The following PRDM10 variants were observed in gnomAD, a reference collection of about 807,000 sequenced individuals.
PRDM10 encodes PR domain zinc finger protein 10.
Under a neutral mutation model 133.1 loss-of-function variants are expected in PRDM10, and 65 were observed. The observed-to-expected ratio is 0.49, with a 90% confidence interval of 0.40 to 0.60. The LOEUF is 0.60. Among genes scored for constraint, PRDM10 ranks in the 20% least tolerant of loss-of-function variants. The pLI, the probability that PRDM10 is intolerant of heterozygous loss-of-function variation, is 0.00. For synonymous variants in PRDM10, 582 were observed against 580.4 expected (o/e 1.00, Z -0.04); for missense variants, 1,137 against 1,507.1 (o/e 0.75, Z 4.07).
intron 1 of PRDM10, among the ~76,000 whole-genome samples, chr11:129,997,222 T>C (rs904194021): frequency 5.9e-5 from 9 of 152,236 alleles, no homozygotes; most frequent in African/African-American, 4.8e-5. Context: ...CTCACACCTG[T>C]AATCCCAGCA....
chr11:129,914,283 A>T (rs925723970), intron 17 of PRDM10, among the ~76,000 whole-genome samples: 1 of 152,218 alleles, frequency 6.6e-6, no homozygotes, highest in Non-Finnish European at 1.5e-5. Flanking sequence ...GATTACAGGC[A>T]TGAGCCACTG....
chr11:129,918,644 G>C lies in PRDM10; in HGVS notation c.2109C>G (p.Ile703Met), dbSNP rs545610604. The C allele has an allele frequency of 1.3e-4, 207 of 1,614,170 alleles. 2 individuals are homozygous for C. The South Asian group carries it at 2.2e-3, about 17-fold the overall frequency. The change falls in exon 14 of 21, where the codon ATC (isoleucine) becomes ATG (methionine). Residue 703 changes from isoleucine (I) to methionine (M), a missense_variant. Physicochemically the swap from Ile to Met is conservative, Grantham distance 10. Transcript: ENST00000360871. This position sits in a 1 kb window ranked among gnomAD's most constrained non-coding sequence, Gnocchi z 5.3. ...GGGGCTTGAACGTCTTGGAGCGGCT[G>C]ATGCGGTCGGCTTTCTTGGCCTCCC... ...PEREAKKADRISRSKTFKPRI... is the reference protein window; with the variant it reads ...PEREAKKADRMSRSKTFKPRI...
intron 1 of PRDM10, among the ~76,000 whole-genome samples, chr11:129,999,280 T>C (rs1293115798): frequency 2.0e-5 from 3 of 152,206 alleles, no homozygotes. Flanking sequence ...CTCACCCTCC[T>C]GCCTCTACCT....
intron 1 of PRDM10, among the ~76,000 whole-genome samples, chr11:129,983,355 C>T (rs927097729): frequency 2.0e-5 from 3 of 150,258 alleles, no homozygotes; most frequent in Non-Finnish European, 3.0e-5. Flanking sequence ...AGTGCAGTGG[C>T]GCGATCTCAG....
In PRDM10 at chr11:129,945,742, G is replaced by C. The variant is rs571215271; in HGVS notation, c.521-730C>G. Among the ~76,000 whole-genome samples the C allele has an allele frequency of 1.4e-3, 211 of 152,268 alleles. No homozygotes were observed. The highest frequency in any genetic ancestry group is 2.7e-3 in the Non-Finnish European group (182 of 68,026). The stretch of plus-strand genomic sequence containing the variant: ...AGACAGGTACAGCCCCAAAACGGAG[G>C]AGAGCAAATGGACCACACAGGCCAT... On this transcript the variant is annotated intron_variant, in intron 5 of 20. Coordinates refer to ENST00000360871, the MANE Select transcript of PRDM10 (RefSeq NM_199437.2). The surrounding 1 kb of genome is among the most constrained non-coding windows in gnomAD (Gnocchi z 4.2).
chr11:129,952,075 A>G (rs1951595385), intron 4 of PRDM10, among the ~76,000 whole-genome samples: 1 of 152,184 alleles, frequency 6.6e-6, no homozygotes, highest in African/African-American at 2.4e-5. Flanking sequence ...GGAAACTACA[A>G]TGAAGAAAGA....
chr11:129,961,736 G>T (rs989189918), intron 1 of PRDM10, among the ~76,000 whole-genome samples: 3 of 152,030 alleles, frequency 2.0e-5, no homozygotes, highest in African/African-American at 7.2e-5. Context: ...ATAATATAAT[G>T]TATTGCATGC....
chr11:129,985,799 A>C (rs1052921386), intron 1 of PRDM10, among the ~76,000 whole-genome samples: 2 of 117,730 alleles, frequency 1.7e-5, no homozygotes, highest in African/African-American at 8.5e-5. Flanking sequence ...AAAAAAAAAA[A>C]AAAAAAAAAA....
rs1951355867 is a variant in PRDM10, at chr11:129,944,909, G to C, written c.624C>G (p.Leu208=). 4.3e-6 allele frequency: 7 copies of C among 1,614,112 alleles called. No homozygotes were observed. In the East Asian group the frequency reaches 8.9e-5, roughly 21 times the overall value. Residue 208 remains leucine, a synonymous_variant, in exon 6 of 21, where the codon CTC becomes CTG. Transcript: ENST00000360871. ...RPVLTRARAS[L]PLVLYIDRFL... is the part of the protein sequence containing the mutation. ...ACCTGTCTATGTAGAGCACCAGGGG[G>C]AGGCTCGCCCTGGCCCGGGTGAGCA...
intron 19 of PRDM10, among the ~76,000 whole-genome samples, chr11:129,909,817 G>A (rs913754178): frequency 2.6e-5 from 4 of 152,272 alleles, no homozygotes; most frequent in South Asian, 2.1e-4. Flanking sequence ...TGGAATCAAC[G>A]ACTCTTCTAT....
intron 1 of PRDM10, among the ~76,000 whole-genome samples, chr11:129,998,060 A>G (rs1231287434): frequency 6.6e-6 from 1 of 152,254 alleles, no homozygotes; most frequent in East Asian, 1.9e-4. Context: ...TCTAGTATAC[A>G]TAGTTTAAAA....
chr11:129,989,332 A>G (rs2135989280), intron 1 of PRDM10, among the ~76,000 whole-genome samples: 1 of 152,286 alleles, frequency 6.6e-6, no homozygotes, highest in South Asian at 2.1e-4. Context: ...GTCATTGAGC[A>G]TGCATGTTTC....
At chr11:129,980,175 C>T (rs1044860593) in intron 1 of PRDM10, among the ~76,000 whole-genome samples, 5 of 152,160 alleles carry the variant, frequency 3.3e-5, no homozygotes, top group African/African-American at 9.7e-5. Flanking sequence ...ACCGTACGAC[C>T]AAGCAATTCC....
rs575982391 is a variant in PRDM10 at position 129,921,273 on chromosome 11, T to A, written c.2034+1975A>T. Among the ~76,000 whole-genome samples the A allele has an allele frequency of 5.3e-5, 8 of 152,320 alleles. No homozygotes were observed. In the South Asian group the frequency reaches 1.7e-3, roughly 32 times the overall value. Reference sequence around the variant, plus strand: ...GGGAATTGGTGGGAGAAGCAGCAGTTAATCCAGGGATCAGGAAATGCCCCA... The same window carrying A: ...GGGAATTGGTGGGAGAAGCAGCAGTAAATCCAGGGATCAGGAAATGCCCCA... On this transcript the variant is annotated intron_variant, in intron 13 of 20. Transcript: ENST00000360871.
rs530113948 is a variant in PRDM10 at position 129,945,964 on chromosome 11, G to A, written c.521-952C>T. On this transcript the variant is annotated intron_variant, in intron 5 of 20. Transcript: ENST00000360871. The surrounding 1 kb of genome is among the most constrained non-coding windows in gnomAD (Gnocchi z 4.2). Reference sequence around the variant, plus strand: ...AAAAATGTAAGAATTTTTCCCAGGTGCAGTGGCTCAGCCTGTAATCCCAGC... The same window carrying A: ...AAAAATGTAAGAATTTTTCCCAGGTACAGTGGCTCAGCCTGTAATCCCAGC... Among the ~76,000 whole-genome samples, 1 of 152,278 alleles carries A rather than the reference G, an allele frequency of 6.6e-6. No individual in the cohort carries two copies. The highest frequency in any genetic ancestry group is 2.4e-5 in the African/African-American group (1 of 41,560).
At chr11:129,948,036 C>T in intron 4 of PRDM10, 1 of 456,684 alleles carries the variant, frequency 2.2e-6, no homozygotes, top group South Asian at 1.5e-5. Flanking sequence ...ACAGCTCAGG[C>T]AGGCTGAGGT....
chr11:129,973,297 CTG>C (rs1937614242), intron 1 of PRDM10, among the ~76,000 whole-genome samples: 1 of 152,154 alleles, frequency 6.6e-6, no homozygotes, highest in African/African-American at 2.4e-5. Context: ...TGTTCAAGGT[CTG>C]TGAACCAAAA....
At chr11:129,910,692 G>A (rs772256571) in intron 18 of PRDM10, 36 bp from the exon 19 acceptor site, 19 of 1,464,642 alleles carry the variant, frequency 1.3e-5, no homozygotes, top group Middle Eastern at 3.6e-4. Context: ...AGGGAATTAC[G>A]AGCTTCTAAT....
intron 9 of PRDM10, among the ~76,000 whole-genome samples, chr11:129,932,630 A>C (rs1451947516): frequency 6.6e-6 from 1 of 152,206 alleles, no homozygotes; most frequent in African/African-American, 2.4e-5. Context: ...TATTCCTTCC[A>C]AGAAATGTGG....
Sources: allele counts gnomAD v4.1 joint callset (sites outside exome capture counted in the v4.1 genomes callset), GRCh38; gene constraint gnomAD v4.1.1; non-coding constraint Gnocchi (gnomAD v3.1); transcripts MANE v1.5; gene names NCBI Gene and HGNC (gene_info 2026-07-23, HGNC 2026-07-21).